The following HS3ST2 variants were observed in gnomAD, a reference collection of about 807,000 sequenced individuals.
HS3ST2 encodes heparan sulfate-glucosamine 3-sulfotransferase 2, also known as heparan sulfate glucosamine 3-O-sulfotransferase 2.
In HS3ST2, 17 loss-of-function variants were observed where a neutral mutation model predicts 26.3. The observed-to-expected ratio is 0.65, with a 90% confidence interval of 0.44 to 0.97. The LOEUF is 0.97. HS3ST2 is among the 50% of genes least tolerant of loss of function. HS3ST2 has a pLI of 0.00. For synonymous variants in HS3ST2, 237 were observed against 219.2 expected (o/e 1.08, Z -0.72); for missense variants, 402 against 501.2 (o/e 0.80, Z 1.89).
chr16:22,890,831 T>C (rs1199120359), intron 1 of HS3ST2, among the ~76,000 whole-genome samples: 1 of 152,250 alleles, frequency 6.6e-6, no homozygotes, highest in African/African-American at 2.4e-5. Flanking sequence ...GCTGTCAAAC[T>C]GACCTATTGC....
chr16:22,879,083 AC>A (rs1323574496), intron 1 of HS3ST2, among the ~76,000 whole-genome samples: 4 of 152,214 alleles, frequency 2.6e-5, no homozygotes, highest in East Asian at 1.9e-4. Context: ...TGAGCTGAGC[AC>A]CCATCTCCAT....
chr16:22,870,462 C>T (rs190132875), intron 1 of HS3ST2, among the ~76,000 whole-genome samples: 73 of 152,260 alleles, frequency 4.8e-4, no homozygotes, highest in African/African-American at 1.7e-3. Context: ...AAGCATAAGT[C>T]GAATCACGTC....
intron 1 of HS3ST2, among the ~76,000 whole-genome samples, chr16:22,830,334 C>T (rs757216103): frequency 2.6e-5 from 4 of 152,166 alleles, no homozygotes; most frequent in Admixed American, 1.3e-4. Flanking sequence ...GAGTGCCTTT[C>T]TCATTCTAGT....
In HS3ST2 at chr16:22,882,817, G is replaced by T. The variant is rs955565368; in HGVS notation, c.486-32127G>T. 4.2e-4 allele frequency among the ~76,000 whole-genome samples: 64 copies of T among 152,032 alleles called. 2 individuals carry two copies. The highest frequency in any genetic ancestry group is 3.1e-3 in the Admixed American group (48 of 15,252). ...GGAAGCTGAGGCAGGTGGATCACGA[G>T]GTCAAGAGATTGAGACCATCCTGGC... On this transcript the variant is annotated intron_variant, in intron 1 of 1. Coordinates refer to ENST00000261374, the MANE Select transcript of HS3ST2 (RefSeq NM_006043.2).
chr16:22,852,323 A>T (rs2141186079), intron 1 of HS3ST2, among the ~76,000 whole-genome samples: 1 of 152,294 alleles, frequency 6.6e-6, no homozygotes, highest in Non-Finnish European at 1.5e-5. Flanking sequence ...GTTTTGTGGG[A>T]GGTTTTAAAA....
intron 1 of HS3ST2, among the ~76,000 whole-genome samples, chr16:22,897,984 G>A (rs902423823): frequency 3.3e-5 from 5 of 152,318 alleles, no homozygotes; most frequent in Admixed American, 6.5e-5. Flanking sequence ...CCACAAAGAC[G>A]ATAAGTAAAC....
At chr16:22,860,541 T>C (rs994236642) in intron 1 of HS3ST2, among the ~76,000 whole-genome samples, 5 of 152,260 alleles carry the variant, frequency 3.3e-5, no homozygotes, top group African/African-American at 1.2e-4. Flanking sequence ...TGATCACTTT[T>C]TACTATATCA....
Position 22,835,235 on chromosome 16 carries a change from C to A in HS3ST2, c.485+20140C>A, listed in dbSNP as rs575742251. ...ACTCTTCAATATTGGATTGGTGGAG[C>A]CTTCTTTATTCCCCTGTTACTTCCC... On this transcript the variant is annotated intron_variant, in intron 1 of 1. Coordinates refer to ENST00000261374, the MANE Select transcript of HS3ST2 (RefSeq NM_006043.2). Among the ~76,000 whole-genome samples, 9 of 151,670 alleles carry A rather than the reference C, an allele frequency of 5.9e-5. No homozygotes were observed. The South Asian group carries it at 1.3e-3, about 21-fold the overall frequency.
chr16:22,827,710 C>CTTTTTTT (rs34248118), intron 1 of HS3ST2, among the ~76,000 whole-genome samples: 1 of 108,980 alleles, frequency 9.2e-6, no homozygotes, highest in African/African-American at 3.6e-5. Context: ...TTCTTTCTTT[C>CTTTTTTT]TTTTTTTTTT....
At chr16:22,866,019 G>A (rs1901744723) in intron 1 of HS3ST2, among the ~76,000 whole-genome samples, 1 of 152,150 alleles carries the variant, frequency 6.6e-6, no homozygotes, top group African/African-American at 2.4e-5. Flanking sequence ...TAGGACTAGA[G>A]GATGGTCTTT....
At chr16:22,893,515 G>T (rs1210377875) in intron 1 of HS3ST2, among the ~76,000 whole-genome samples, 2 of 151,770 alleles carry the variant, frequency 1.3e-5, no homozygotes, top group African/African-American at 2.4e-5. Context: ...TTTTCAGAAT[G>T]TGTAGAGATG....
intron 1 of HS3ST2, among the ~76,000 whole-genome samples, chr16:22,816,851 G>A (rs888249654): frequency 1.4e-4 from 22 of 152,186 alleles, no homozygotes; most frequent in Non-Finnish European, 2.8e-4. Context: ...TTGCCAATGC[G>A]AAGTGCCTTT....
chr16:22,853,202 G>A (rs759376080), intron 1 of HS3ST2, among the ~76,000 whole-genome samples: 76 of 151,894 alleles, frequency 5.0e-4, no homozygotes, highest in Admixed American at 3.3e-4. Flanking sequence ...CCAGACAGTC[G>A]CTACCCCCAC....
chr16:22,915,725 AC>A lies in HS3ST2; in HGVS notation c.*165del. On this transcript the variant is annotated 3_prime_UTR_variant, in exon 2 of 2. Transcript: ENST00000261374. ...CAGGAAGCCCAGCTAAAGCCAAGAGACCAGAGAGTCCCTGCCACTAGTTTTC... is the reference window on the plus strand; with the variant it reads ...CAGGAAGCCCAGCTAAAGCCAAGAGACAGAGAGTCCCTGCCACTAGTTTTC... 1 of 720,012 alleles carries A rather than the reference AC, an allele frequency of 1.4e-6. No individual in the cohort carries two copies. 44.6% of individuals were successfully genotyped at this position (720,012 alleles called of 1,614,324 possible).
chr16:22,823,618 T>TAA (rs35978909), intron 1 of HS3ST2, among the ~76,000 whole-genome samples: 9 of 137,338 alleles, frequency 6.6e-5, no homozygotes, highest in African/African-American at 1.9e-4. Flanking sequence ...ACCTCTTCTC[T>TAA]AAAAAAAAAA....
At position 22,915,285 on chromosome 16, in the gene HS3ST2, G is replaced by A. The variant is rs747167390; in HGVS notation, c.827G>A (p.Arg276Gln). 1.2e-6 allele frequency: 2 copies of A among 1,613,876 alleles called. No homozygotes were observed. The highest frequency in any genetic ancestry group is 1.7e-5 in the Admixed American group (1 of 59,998). ...CAGATTCACTTCGTCAGTGGCGAGC[G>A]ACTCATCACTGACCCGGCCGGCGAG... ...LAQIHFVSGE[R>Q]LITDPAGEMG... Residue 276 changes from arginine (R) to glutamine (Q), a missense_variant, in exon 2 of 2, where the codon CGA becomes CAA. By Grantham distance (43) the Arg-to-Gln change is conservative (BLOSUM62 1). Transcript: ENST00000261374.
chr16:22,814,761 G>A lies in HS3ST2; in HGVS notation c.151G>A (p.Gly51Ser), dbSNP rs772487002. 1 of 1,606,140 alleles carries A rather than the reference G, an allele frequency of 6.2e-7. No homozygotes were observed. The highest frequency in any genetic ancestry group is 2.2e-5 in the East Asian group (1 of 44,664). Residue 51 changes from glycine to serine, a missense_variant, in exon 1 of 2, where the codon GGC becomes AGC. By Grantham distance (56) the Gly-to-Ser change is moderately conservative. Coordinates refer to ENST00000261374, the MANE Select transcript of HS3ST2 (RefSeq NM_006043.2). ...CGACCTGGGTCGGAGCCGCCTCCTC[G>A]GCGCGCCTCGCTGCCTCCGCGGCCC... The part of the protein sequence containing the change: ...CDDLGRSRLL[G>S]APRCLRGPSA...
intron 1 of HS3ST2, among the ~76,000 whole-genome samples, chr16:22,822,867 A>AAAG (rs1555511459): frequency 6.6e-6 from 1 of 151,944 alleles, no homozygotes; most frequent in Non-Finnish European, 1.5e-5. Context: ...AAAAAAAAAA[A>AAAG]AAAGAAAGAA....
In HS3ST2 at chr16:22,915,555, G is replaced by A. The variant is rs1182880804; in HGVS notation, c.1097G>A (p.Trp366Ter). 1.9e-6 allele frequency: 3 copies of A among 1,612,150 alleles called. No individual in the cohort carries two copies. Among genetic ancestry groups the A allele is most frequent in the Non-Finnish European group, 2.5e-6 (3 of 1,178,970 alleles). ...FYETVGQDFR[W>*]E ...GAAACCGTTGGGCAGGACTTCAGGT[G>A]GGAATAAGCCCACGAAAGGAAAGGG... is the stretch of plus-strand genomic sequence containing the variant. Residue 366 changes from tryptophan to a stop codon, truncating the protein, a stop_gained, in exon 2 of 2, where the codon TGG becomes TAG. Coordinates refer to ENST00000261374, the MANE Select transcript of HS3ST2 (RefSeq NM_006043.2). LOFTEE classifies it high-confidence loss of function.
Sources: gnomAD v4.1 joint callset for allele counts (sites outside exome capture counted in the v4.1 genomes callset) on GRCh38, gnomAD v4.1.1 for gene constraint, MANE v1.5 for transcripts, NCBI Gene and HGNC (gene_info 2026-07-23, HGNC 2026-07-21) for gene names.